Variants in CELF2 observed in about 807,000 individuals in gnomAD.
CELF2 encodes CUGBP Elav-like family member 2, also known as CUG triplet repeat RNA-binding protein 2.
Under a neutral mutation model 62.6 loss-of-function variants are expected in CELF2, and 8 were observed. The observed-to-expected ratio is 0.13, with a 90% confidence interval of 0.07 to 0.23. The LOEUF (loss-of-function observed/expected upper bound fraction) is 0.23. Among genes scored for constraint, CELF2 ranks in the 10% least tolerant of loss-of-function variants. The pLI is 1.00. For missense variants in CELF2, 333 were observed against 671.0 expected (o/e 0.50, Z 5.56); for synonymous variants, 258 against 250.0 (o/e 1.03, Z -0.30).
chr10:11,149,492 G>A (rs753164012), intron 1 of CELF2, among the ~76,000 whole-genome samples: 5 of 152,188 alleles, frequency 3.3e-5, no homozygotes, highest in African/African-American at 1.2e-4. Flanking sequence ...CCTCAGGAAC[G>A]AATCTTTTCT....
chr10:10,777,830 TG>T, the CELF2 span, among the ~76,000 whole-genome samples: 1 of 152,280 alleles, frequency 6.6e-6, no homozygotes, highest in East Asian at 1.9e-4. Context: ...TATCACTTCC[TG>T]GCCCTTACCC....
chr10:10,524,974 T>C, the CELF2 span, among the ~76,000 whole-genome samples: 1 of 152,194 alleles, frequency 6.6e-6, no homozygotes, highest in Non-Finnish European at 1.5e-5. Context: ...TCTTAGATTA[T>C]AGTGTATACA....
chr10:10,796,287 T>A (rs1163374473), upstream of CELF2, among the ~76,000 whole-genome samples: 2 of 152,158 alleles, frequency 1.3e-5, no homozygotes, highest in Non-Finnish European at 2.9e-5. Context: ...GAGGAGTGAA[T>A]GAATCAACAC....
At position 11,220,939 on chromosome 10, in the gene CELF2, T is replaced by TA. The variant is rs1237957574; in HGVS notation, c.354+3433dup. Among the ~76,000 whole-genome samples, 1 of 152,264 alleles carries TA rather than the reference T, an allele frequency of 6.6e-6. No homozygotes were observed. Among genetic ancestry groups the TA allele is most frequent in the African/African-American group, 2.4e-5 (1 of 41,460 alleles). ...CAGGGATCGAGCCCAAGGGGGCCTC[T>TA]AGCTAATCTAGCTGGAAGGGTGGAC... is the stretch of plus-strand genomic sequence containing the variant. On this transcript the variant is annotated intron_variant, in intron 3 of 12. Transcript: ENST00000633077. The surrounding 1 kb of genome is among the most constrained non-coding windows in gnomAD (Gnocchi z 4.4).
At chr10:10,894,677 T>C (rs2062409396) in intron 1 of CELF2, among the ~76,000 whole-genome samples, 1 of 106,892 alleles carries the variant, frequency 9.4e-6, no homozygotes, top group Admixed American at 9.7e-5. Flanking sequence ...ATGTGCCACC[T>C]GAAAGAAAAA....
chr10:11,258,804 A>C (rs1416530070), intron 5 of CELF2, among the ~76,000 whole-genome samples: 5 of 152,164 alleles, frequency 3.3e-5, no homozygotes, highest in Admixed American at 3.3e-4. Flanking sequence ...CCCCTGCCTC[A>C]GCCTCCCGAG....
the CELF2 span, among the ~76,000 whole-genome samples, chr10:10,524,887 G>A: frequency 4.9e-3 from 739 of 152,188 alleles, 6 homozygotes; most frequent in African/African-American, 0.017. Context: ...AAACTCTCAC[G>A]GAGACAGCAA....
At chr10:11,241,864 A>G (rs2074015681) in intron 3 of CELF2, among the ~76,000 whole-genome samples, 1 of 152,148 alleles carries the variant, frequency 6.6e-6, no homozygotes, top group South Asian at 2.1e-4. Context: ...TTGGTGGCAA[A>G]TCTTTTGAAA....
In CELF2 at chr10:11,235,877, A is replaced by G. The variant is rs113894855; in HGVS notation, c.355-13276A>G. Among the ~76,000 whole-genome samples the G allele has an allele frequency of 1.4e-4, 22 of 152,316 alleles. 1 individual carries two copies. The highest frequency in any genetic ancestry group is 5.1e-4 in the African/African-American group (21 of 41,572). On this transcript the variant is annotated intron_variant, in intron 3 of 12. Coordinates refer to ENST00000633077, the MANE Select transcript of CELF2 (RefSeq NM_001326342.2). ...CAGATATTTAATCATTTTTGCTTAA[A>G]CGTGAGTAAGAATGGGGAATTACCC... is the stretch of plus-strand genomic sequence containing the variant.
intron 1 of CELF2, among the ~76,000 whole-genome samples, chr10:10,820,184 G>A (rs1302941202): frequency 6.6e-6 from 1 of 152,188 alleles, no homozygotes; most frequent in African/African-American, 2.4e-5. Flanking sequence ...CGCCAGCCAT[G>A]TGGAACTCTA....
chr10:10,623,446 A>T, the CELF2 span, among the ~76,000 whole-genome samples: 1 of 152,212 alleles, frequency 6.6e-6, no homozygotes, highest in Non-Finnish European at 1.5e-5. Flanking sequence ...AGTGGGAATT[A>T]TGTCATGCTG....
At chr10:10,863,760 T>G (rs1406051465) in intron 1 of CELF2, among the ~76,000 whole-genome samples, 1 of 152,152 alleles carries the variant, frequency 6.6e-6, no homozygotes, top group Non-Finnish European at 1.5e-5. Context: ...TAAGTGAAAC[T>G]TAGCTTGAGC....
rs1204195958 is a variant in CELF2 at position 11,300,317 on chromosome 10, A to G, written c.976+11765A>G. On this transcript the variant is annotated intron_variant, in intron 9 of 12. Transcript: ENST00000633077. The surrounding 1 kb of genome is among the most constrained non-coding windows in gnomAD (Gnocchi z 5.5). The stretch of plus-strand genomic sequence containing the variant: ...GTCCAGACCCGGCCCTCTAGACTGA[A>G]TTTTCCTCTTCCCAGTCTTCCTGAG... Among the ~76,000 whole-genome samples, 1 of 152,032 alleles carries G rather than the reference A, an allele frequency of 6.6e-6. No individual in the cohort carries two copies. The highest frequency in any genetic ancestry group is 1.9e-4 in the East Asian group (1 of 5,184).
At chr10:10,939,251 T>A (rs188463147) in intron 2 of CELF2, among the ~76,000 whole-genome samples, 15 of 131,850 alleles carry the variant, frequency 1.1e-4, no homozygotes, top group Non-Finnish European at 1.5e-4. Flanking sequence ...TAGTGCTTGA[T>A]AATTAGCAAG....
intron 1 of CELF2, among the ~76,000 whole-genome samples, chr10:10,900,164 G>C (rs2062835791): frequency 6.6e-6 from 1 of 152,104 alleles, no homozygotes; most frequent in Non-Finnish European, 1.5e-5. Flanking sequence ...AAAAAGAAAT[G>C]ATACCAATTC....
At chr10:10,915,720 C>T (rs1432059374) in intron 1 of CELF2, among the ~76,000 whole-genome samples, 1 of 152,194 alleles carries the variant, frequency 6.6e-6, no homozygotes, top group Non-Finnish European at 1.5e-5. Flanking sequence ...TAGGTGTAAG[C>T]CACGGCACCC....
At chr10:11,232,734 C>G (rs2069260718) in intron 3 of CELF2, among the ~76,000 whole-genome samples, 1 of 152,128 alleles carries the variant, frequency 6.6e-6, no homozygotes, top group Non-Finnish European at 1.5e-5. Context: ...AGCCCACATT[C>G]ATGGATAGGA....
At chr10:10,834,858 C>T (rs750809723) in intron 1 of CELF2, among the ~76,000 whole-genome samples, 15 of 152,168 alleles carry the variant, frequency 9.9e-5, no homozygotes, top group African/African-American at 3.6e-4. Flanking sequence ...GGTGCTTGTC[C>T]GATGCTGCCT....
chr10:10,561,133 A>G, the CELF2 span, among the ~76,000 whole-genome samples: 2 of 152,306 alleles, frequency 1.3e-5, no homozygotes, highest in East Asian at 1.9e-4. Flanking sequence ...TATGTAATCA[A>G]ATATTACTGA....
Sources: gnomAD v4.1 joint callset for allele counts (sites outside exome capture counted in the v4.1 genomes callset) on GRCh38, gnomAD v4.1.1 for gene constraint, Gnocchi (gnomAD v3.1) non-coding constraint, MANE v1.5 for transcripts, NCBI Gene and HGNC (gene_info 2026-07-23, HGNC 2026-07-21) for gene names.